The following DPYD variants were observed in gnomAD, a reference collection of about 807,000 sequenced individuals.
The protein encoded by DPYD is dihydropyrimidine dehydrogenase [NADP(+)].
Under a neutral mutation model 116.2 loss-of-function variants are expected in DPYD, and 109 were observed. The ratio of observed to expected loss-of-function variants is 0.94; its 90% CI spans 0.80 to 1.10. DPYD has a LOEUF of 1.10. Ranked by LOEUF, DPYD falls within the 50% of genes least tolerant of loss-of-function variation. The pLI, the probability that DPYD is intolerant of heterozygous loss-of-function variation, is 0.00. For synonymous variants in DPYD, 440 were observed against 432.0 expected (o/e 1.02, Z -0.23); for missense variants, 1,302 against 1,254.5 (o/e 1.04, Z -0.57).
At chr1:97,342,852 G>A (rs558313422) in intron 16 of DPYD, among the ~76,000 whole-genome samples, 2 of 152,138 alleles carry the variant, frequency 1.3e-5, no homozygotes, top group African/African-American at 4.8e-5. Flanking sequence ...TCATGAAGGA[G>A]CTTATCATCA....
At chr1:97,147,045 A>C (rs1301970531) in intron 20 of DPYD, among the ~76,000 whole-genome samples, 1 of 152,200 alleles carries the variant, frequency 6.6e-6, no homozygotes, top group Admixed American at 6.5e-5. Flanking sequence ...GAAGGAAGTA[A>C]CAAAAGTAAG....
intron 8 of DPYD, among the ~76,000 whole-genome samples, chr1:97,668,395 T>C (rs2100887763): frequency 6.6e-6 from 1 of 152,204 alleles, no homozygotes; most frequent in East Asian, 1.9e-4. Context: ...ATAATACCAA[T>C]CCAAAATTAC....
intron 1 of DPYD, among the ~76,000 whole-genome samples, chr1:97,891,734 T>C (rs1672788714): frequency 6.6e-6 from 1 of 151,914 alleles, no homozygotes; most frequent in Non-Finnish European, 1.5e-5. Flanking sequence ...TTCAGTATTA[T>C]TCAAGAGCTT....
chr1:97,583,486 G>A (rs1487752152), intron 10 of DPYD, among the ~76,000 whole-genome samples: 1 of 152,080 alleles, frequency 6.6e-6, no homozygotes, highest in African/African-American at 2.4e-5. Context: ...ACTACGTTCT[G>A]TGTAACTTGG....
chr1:97,847,145 G>C (rs1670338940), intron 2 of DPYD, among the ~76,000 whole-genome samples: 1 of 152,168 alleles, frequency 6.6e-6, no homozygotes, highest in South Asian at 2.1e-4. Context: ...ACTGGACATG[G>C]AGTTTTATAT....
At position 97,546,405 on chromosome 1, in the gene DPYD, T is replaced by C. The variant is rs960303954; in HGVS notation, c.1524+3155A>G. 3.3e-6 allele frequency: 5 copies of C among 1,534,562 alleles called. No individual in the cohort carries two copies. In the African/African-American group the frequency reaches 6.8e-5, roughly 21 times the overall value. ...AAGAAGTTTCAGATAAGGGCAGTGA[T>C]TCTGAAGAAGAAGAAACCAATAGAG... On this transcript the variant is annotated intron_variant, in intron 12 of 22. Transcript: ENST00000370192.
intron 3 of DPYD, among the ~76,000 whole-genome samples, chr1:97,768,865 T>C (rs1666004073): frequency 6.6e-6 from 1 of 151,874 alleles, no homozygotes; most frequent in Non-Finnish European, 1.5e-5. Context: ...AATTTTAAGA[T>C]ACAATAAATA....
At chr1:97,848,319 A>C (rs1670407584) in intron 2 of DPYD, among the ~76,000 whole-genome samples, 1 of 152,154 alleles carries the variant, frequency 6.6e-6, no homozygotes, top group Non-Finnish European at 1.5e-5. Context: ...GGATGGTCTC[A>C]ATCTCCTGAC....
At chr1:97,582,459 A>G (rs1653756601) in intron 10 of DPYD, among the ~76,000 whole-genome samples, 1 of 152,254 alleles carries the variant, frequency 6.6e-6, no homozygotes, top group South Asian at 2.1e-4. Flanking sequence ...AGGAAGAGGC[A>G]TCAAACTCGG....
chr1:97,112,724 C>T (rs1013025326), intron 20 of DPYD, among the ~76,000 whole-genome samples: 1 of 152,140 alleles, frequency 6.6e-6, no homozygotes, highest in African/African-American at 2.4e-5. Context: ...GCATTCTTCT[C>T]ACTCTCTAAC....
intron 19 of DPYD, among the ~76,000 whole-genome samples, chr1:97,232,641 A>G (rs898855631): frequency 6.6e-6 from 1 of 151,518 alleles, no homozygotes; most frequent in African/African-American, 2.4e-5. Context: ...GCCAATTTCT[A>G]TTGCTCTATC....
chr1:97,160,692 C>T (rs539495301), intron 20 of DPYD, among the ~76,000 whole-genome samples: 1 of 152,238 alleles, frequency 6.6e-6, no homozygotes, highest in Admixed American at 6.6e-5. Flanking sequence ...CAGCCTTACA[C>T]ATAGAACTAG....
intron 18 of DPYD, among the ~76,000 whole-genome samples, chr1:97,303,294 C>G (rs551959202): frequency 6.6e-6 from 1 of 152,080 alleles, no homozygotes; most frequent in South Asian, 2.1e-4. Flanking sequence ...TGCAGCATCT[C>G]TGAAAGCAGA....
chr1:97,662,873 ACT>A, intron 8 of DPYD, among the ~76,000 whole-genome samples: 1 of 151,600 alleles, frequency 6.6e-6, no homozygotes, highest in African/African-American at 2.4e-5. Context: ...TGAATATCAC[ACT>A]CTGTGGAATT....
intron 3 of DPYD, among the ~76,000 whole-genome samples, chr1:97,754,114 G>T (rs541672245): frequency 1.1e-4 from 17 of 152,170 alleles, no homozygotes; most frequent in African/African-American, 3.6e-4. Context: ...TAATGAATAT[G>T]GGTGAAAAAC....
At chr1:97,626,122 T>C (rs2100782076) in intron 8 of DPYD, among the ~76,000 whole-genome samples, 1 of 152,160 alleles carries the variant, frequency 6.6e-6, no homozygotes, top group Non-Finnish European at 1.5e-5. Context: ...ATGCCTGAAA[T>C]ACAGCATTAA....
intron 2 of DPYD, among the ~76,000 whole-genome samples, chr1:97,828,891 A>G (rs1008856819): frequency 6.6e-6 from 1 of 151,972 alleles, no homozygotes; most frequent in Non-Finnish European, 1.5e-5. Flanking sequence ...AAGTGTTTCT[A>G]CTTTTTGGTA....
At chr1:97,644,232 T>A (rs1658115250) in intron 8 of DPYD, among the ~76,000 whole-genome samples, 1 of 152,070 alleles carries the variant, frequency 6.6e-6, no homozygotes, top group Non-Finnish European at 1.5e-5. Flanking sequence ...TGGGGGAACT[T>A]GGAAAAGAAA....
chr1:97,783,008 A>G (rs1666840262), intron 3 of DPYD, among the ~76,000 whole-genome samples: 1 of 152,152 alleles, frequency 6.6e-6, no homozygotes, highest in Non-Finnish European at 1.5e-5. Context: ...ATGGGGTAGG[A>G]GTGTGTTGGA....
Sources: gnomAD v4.1 joint callset for allele counts (sites outside exome capture counted in the v4.1 genomes callset) on GRCh38, gnomAD v4.1.1 for gene constraint, MANE v1.5 for transcripts, NCBI Gene and HGNC (gene_info 2026-07-23, HGNC 2026-07-21) for gene names.